The following CDH7 variants were observed in gnomAD, a reference collection of about 807,000 sequenced individuals.
CDH7 encodes cadherin 7, also known as cadherin-7.
In CDH7, 25 loss-of-function variants were observed where a neutral mutation model predicts 71.8. That is an observed-to-expected ratio of 0.35 (90% CI 0.25 to 0.49). CDH7 has a LOEUF of 0.49. Among genes scored for constraint, CDH7 ranks in the 20% least tolerant of loss-of-function variants. The pLI is 0.99. For synonymous variants in CDH7, 381 were observed against 363.8 expected (o/e 1.05, Z -0.54); for missense variants, 862 against 974.6 (o/e 0.88, Z 1.54).
chr18:65,786,101 A>T (rs373880672), intron 2 of CDH7, among the ~76,000 whole-genome samples: 2 of 152,308 alleles, frequency 1.3e-5, no homozygotes, highest in African/African-American at 4.8e-5. Flanking sequence ...TGGTTGTAAC[A>T]TGAATGGATA....
Position 65,859,817 on chromosome 18 carries a change from A to G in CDH7, c.1604A>G (p.Asp535Gly), listed in dbSNP as rs772130387. 4 of 1,563,264 alleles carry G rather than the reference A, an allele frequency of 2.6e-6. No homozygotes were observed. Among genetic ancestry groups the G allele is most frequent in the Non-Finnish European group, 3.5e-6 (4 of 1,133,930 alleles). ...AATAACCACAACTTTTCATTGAAAG[A>G]TAACAAAGGTAATGTATTAATATTG... ...ATNNHNFSLK[D>G]NKDNTASILT... The change falls in exon 10 of 12, where the codon GAT becomes GGT. Residue 535 changes from aspartate (D) to glycine (G), a missense_variant. Asp to Gly is a moderately conservative substitution (Grantham distance 94). Transcript: ENST00000397968.
chr18:65,753,072 T>C (rs1915929512), intron 1 of CDH7, among the ~76,000 whole-genome samples: 1 of 152,170 alleles, frequency 6.6e-6, no homozygotes, highest in Non-Finnish European at 1.5e-5. Context: ...GACTCTAGTG[T>C]TTAGTGTCCA....
In CDH7 at chr18:65,890,197, C is replaced by T. The variant is rs542729880; in HGVS notation, c.*9303C>T. 2 of 152,182 alleles carry T rather than the reference C, an allele frequency of 1.3e-5. No individual in the cohort carries two copies. Among genetic ancestry groups the T allele is most frequent in the East Asian group, 3.9e-4 (2 of 5,178 alleles). 9.4% of individuals were successfully genotyped at this position (152,182 alleles called of 1,614,324 possible). A position where few individuals can be genotyped will look rare whatever the true frequency, so the allele number is the denominator to read the frequency against. On this transcript the variant is annotated 3_prime_UTR_variant, in exon 12 of 12. Transcript: ENST00000397968. ...GGTTTAATTTATTCAGCTTAATGGT[C>T]CATTTAACCAATATTGTTATAAATT...
chr18:65,823,397 T>G (rs1242043567), intron 5 of CDH7, among the ~76,000 whole-genome samples: 1 of 151,940 alleles, frequency 6.6e-6, no homozygotes, highest in Non-Finnish European at 1.5e-5. Context: ...TGCTTTCCTT[T>G]TGTTTAAGCC....
At chr18:65,763,193 A>G (rs1167614139) in intron 2 of CDH7, 141 bp downstream of exon 2, 2 of 497,864 alleles carry the variant, frequency 4.0e-6, no homozygotes, top group East Asian at 3.4e-5. Context: ...GAAAGAGTTT[A>G]TGAAGGTTTT....
intron 6 of CDH7, among the ~76,000 whole-genome samples, chr18:65,828,613 A>C (rs1167434543): frequency 6.6e-6 from 1 of 152,104 alleles, no homozygotes; most frequent in Non-Finnish European, 1.5e-5. Flanking sequence ...GTAGGATATT[A>C]GTAGTTAAGT....
intron 7 of CDH7, among the ~76,000 whole-genome samples, chr18:65,856,136 C>T (rs978262904): frequency 5.3e-5 from 8 of 152,144 alleles, no homozygotes; most frequent in Admixed American, 3.3e-4. Flanking sequence ...CACTTCGAAA[C>T]TGGATCTTCC....
rs1555689509 is a variant in CDH7 at position 65,853,928 on chromosome 18, T to TATATATATCC, written c.1236-3880_1236-3879insCCATATATAT. On this transcript the variant is annotated intron_variant, in intron 7 of 11. Transcript: ENST00000397968. The stretch of plus-strand genomic sequence containing the variant: ...TACCATATATATATATATATATATA[T>TATATATATCC]ATATATATATATATATATATATATA... 1.7e-4 allele frequency among the ~76,000 whole-genome samples: 17 copies of TATATATATCC among 98,084 alleles called. 1 individual carries two copies. The highest frequency in any genetic ancestry group is 2.3e-4 in the African/African-American group (6 of 25,982). The allele number at this position is 98,084 out of a possible 152,430, so 64.3% of individuals were successfully genotyped here.
chr18:65,833,612 A>G (rs1912429894), intron 6 of CDH7, among the ~76,000 whole-genome samples: 1 of 152,162 alleles, frequency 6.6e-6, no homozygotes, highest in South Asian at 2.1e-4. Flanking sequence ...CATTGTTACT[A>G]TGTATATAAG....
At chr18:65,780,748 A>T (rs1910150002) in intron 2 of CDH7, among the ~76,000 whole-genome samples, 1 of 151,636 alleles carries the variant, frequency 6.6e-6, no homozygotes. Context: ...TGATGCCTCC[A>T]GCTTTGTTCT....
chr18:65,872,953 A>C (rs2144058227), intron 11 of CDH7, among the ~76,000 whole-genome samples: 1 of 152,054 alleles, frequency 6.6e-6, no homozygotes, highest in Admixed American at 6.5e-5. Flanking sequence ...TTTAAAAAAC[A>C]GAATTAAACA....
At position 65,840,471 on chromosome 18, in the gene CDH7, T is replaced by C. The variant is rs1003315167; in HGVS notation, c.982-3341T>C. On this transcript the variant is annotated intron_variant, in intron 6 of 11. Transcript: ENST00000397968. ...CACTTATATGTATGATATGTTTGGCTGTGTCCCCACCCAAATCTCATCTTG... is the reference window on the plus strand; with the variant it reads ...CACTTATATGTATGATATGTTTGGCCGTGTCCCCACCCAAATCTCATCTTG... Among the ~76,000 whole-genome samples the C allele has an allele frequency of 3.3e-5, 5 of 152,280 alleles. No individual in the cohort carries two copies. The East Asian group carries it at 9.7e-4, about 29-fold the overall frequency.
At chr18:65,790,458 A>C (rs2143856340) in intron 2 of CDH7, among the ~76,000 whole-genome samples, 1 of 152,192 alleles carries the variant, frequency 6.6e-6, no homozygotes, top group Non-Finnish European at 1.5e-5. Context: ...CAATACACTG[A>C]TTTTTATATT....
At chr18:65,822,336 C>A in intron 5 of CDH7, 88 bp downstream of exon 5, 4 of 998,370 alleles carry the variant, frequency 4.0e-6, no homozygotes, top group Non-Finnish European at 5.9e-6. Flanking sequence ...TTTTCAAATA[C>A]TTCTAAAGCA....
At chr18:65,812,220 G>A (rs888518742) in intron 3 of CDH7, among the ~76,000 whole-genome samples, 1 of 151,982 alleles carries the variant, frequency 6.6e-6, no homozygotes, top group African/African-American at 2.4e-5. Flanking sequence ...GCCCGACTCA[G>A]CCTCCCAAAG....
At chr18:65,862,623 C>A (rs779491536) in intron 10 of CDH7, 43 bp from the exon 11 acceptor site, 20 of 1,588,078 alleles carry the variant, frequency 1.3e-5, no homozygotes, top group Non-Finnish European at 1.6e-5. Flanking sequence ...AAGACTGATT[C>A]CATCAGAAAT....
At chr18:65,814,796 A>G (rs1181812614) in intron 4 of CDH7, among the ~76,000 whole-genome samples, 192 bp downstream of exon 4, 1 of 152,164 alleles carries the variant, frequency 6.6e-6, no homozygotes, top group Non-Finnish European at 1.5e-5. Context: ...ATTCATCAGT[A>G]TCTTAACAAA....
At chr18:65,790,795 G>A (rs1268112804) in intron 2 of CDH7, among the ~76,000 whole-genome samples, 1 of 152,172 alleles carries the variant, frequency 6.6e-6, no homozygotes, top group African/African-American at 2.4e-5. Flanking sequence ...CCTGAACCAC[G>A]GAAGCAGAGG....
chr18:65,844,193 T>TATATATATATATA (rs1555688447), intron 7 of CDH7, 128 bp downstream of exon 7: 2 of 51,512 alleles, frequency 3.9e-5, no homozygotes, highest in Admixed American at 2.6e-4. Context: ...ATATATCGAG[T>TATATATATATATA]TATAACAGCA....
Sources: gnomAD v4.1 joint callset for allele counts (sites outside exome capture counted in the v4.1 genomes callset) on GRCh38, gnomAD v4.1.1 for gene constraint, MANE v1.5 for transcripts, NCBI Gene and HGNC (gene_info 2026-07-23, HGNC 2026-07-21) for gene names.